The following CSMD1 variants were observed in gnomAD, a reference collection of about 807,000 sequenced individuals.
CSMD1 encodes CUB and sushi domain-containing protein 1.
Under a neutral mutation model 417.5 loss-of-function variants are expected in CSMD1, and 213 were observed. The observed-to-expected ratio is 0.51, with a 90% CI of 0.46 to 0.57. The LOEUF (loss-of-function observed/expected upper bound fraction) is 0.57. CSMD1 is among the 20% of genes least tolerant of loss of function. The pLI is 0.00. For synonymous variants in CSMD1, 2,862 were observed against 1,736.8 expected (o/e 1.65, Z -16.11); for missense variants, 6,923 against 4,529.7 (o/e 1.53, Z -15.17).
At chr8:4,119,637 G>T (rs763224418) in intron 3 of CSMD1, among the ~76,000 whole-genome samples, 2 of 152,102 alleles carry the variant, frequency 1.3e-5, no homozygotes, top group African/African-American at 4.8e-5. Flanking sequence ...TGCTCTGTGA[G>T]GAACAAGGAA....
chr8:4,644,687 G>T (rs964142604), intron 1 of CSMD1, among the ~76,000 whole-genome samples: 3 of 152,186 alleles, frequency 2.0e-5, no homozygotes, highest in Non-Finnish European at 4.4e-5. Flanking sequence ...GGAATTACAG[G>T]TGTGAGCCAC....
At chr8:4,855,238 G>C (rs1002306112) in intron 1 of CSMD1, among the ~76,000 whole-genome samples, 2 of 150,342 alleles carry the variant, frequency 1.3e-5, no homozygotes, top group Admixed American at 1.4e-4. Flanking sequence ...AAACAGAAAG[G>C]ATATCCACAT....
At chr8:3,602,732 C>G (rs998554370) in intron 8 of CSMD1, among the ~76,000 whole-genome samples, 2 of 152,100 alleles carry the variant, frequency 1.3e-5, no homozygotes, top group East Asian at 3.9e-4. Context: ...CACACACACA[C>G]ACACACACAC....
intron 41 of CSMD1, chr8:3,128,654 A>C (rs1382974746): frequency 3.1e-6 from 1 of 319,914 alleles, no homozygotes; most frequent in Admixed American, 4.3e-5. Flanking sequence ...AAACTATCTA[A>C]TTAAGTGTCA....
chr8:4,130,615 C>G (rs1585381250), intron 3 of CSMD1, among the ~76,000 whole-genome samples: 2 of 151,724 alleles, frequency 1.3e-5, no homozygotes, highest in African/African-American at 4.9e-5. Flanking sequence ...CTCTTGTCTT[C>G]TACCATTTAA....
At chr8:4,727,940 C>CAAAATATATATATGTATATATATAA (rs1350670176) in intron 1 of CSMD1, among the ~76,000 whole-genome samples, 1 of 126,744 alleles carries the variant, frequency 7.9e-6, no homozygotes, top group Admixed American at 9.7e-5. Context: ...TATATATATA[C>CAAAATATATATATGTATATATATAA]AAAATATATA....
At chr8:4,843,919 G>C (rs1231630114) in intron 1 of CSMD1, among the ~76,000 whole-genome samples, 1 of 152,178 alleles carries the variant, frequency 6.6e-6, no homozygotes, top group Admixed American at 6.5e-5. Context: ...GTGCACAGGA[G>C]TTAGTTCAGA....
At chr8:3,376,910 A>G (rs1182548356) in intron 18 of CSMD1, among the ~76,000 whole-genome samples, 1 of 152,212 alleles carries the variant, frequency 6.6e-6, no homozygotes, top group Non-Finnish European at 1.5e-5. Flanking sequence ...TTTGAAGGGT[A>G]ATGAGAACAA....
At chr8:4,898,468 G>A (rs9650522) in intron 1 of CSMD1, among the ~76,000 whole-genome samples, 23,973 of 151,452 alleles carry the variant, frequency 0.16, 2,438 homozygotes, top group East Asian at 0.5. Flanking sequence ...GTAAGTGAGA[G>A]CCGACCAAAA....
At chr8:2,944,892 G>T (rs1054432412) in intron 68 of CSMD1, among the ~76,000 whole-genome samples, 1 of 151,916 alleles carries the variant, frequency 6.6e-6, no homozygotes, top group South Asian at 2.1e-4. Context: ...ATCCATAATA[G>T]ATAACAAAAT....
chr8:4,531,075 C>G (rs1585210386), intron 2 of CSMD1, among the ~76,000 whole-genome samples: 1 of 152,080 alleles, frequency 6.6e-6, no homozygotes, highest in African/African-American at 2.4e-5. Context: ...TTTTTTGTTA[C>G]TATAAAACTG....
chr8:3,830,116 G>C (rs943930734), intron 5 of CSMD1, among the ~76,000 whole-genome samples: 1 of 152,138 alleles, frequency 6.6e-6, no homozygotes, highest in Non-Finnish European at 1.5e-5. Context: ...TAAAGTGAAG[G>C]AGAGTAATTT....
chr8:4,529,957 C>G (rs1199497148), intron 2 of CSMD1, among the ~76,000 whole-genome samples: 1 of 151,754 alleles, frequency 6.6e-6, no homozygotes, highest in African/African-American at 2.4e-5. Context: ...ATTTGTCACC[C>G]AGGCTGGAGT....
At chr8:3,881,158 T>C (rs113417901) in intron 5 of CSMD1, among the ~76,000 whole-genome samples, 15 of 152,264 alleles carry the variant, frequency 9.9e-5, no homozygotes, top group Middle Eastern at 3.4e-3. Flanking sequence ...GTTTGTACAT[T>C]AGAAGACACA....
intron 2 of CSMD1, among the ~76,000 whole-genome samples, chr8:4,636,452 C>G (rs765007351): frequency 6.6e-6 from 1 of 152,074 alleles, no homozygotes. Context: ...ATGCAATAGC[C>G]CTGAATGTTG....
At chr8:4,519,293 T>C (rs536677091) in intron 2 of CSMD1, among the ~76,000 whole-genome samples, 107 of 152,048 alleles carry the variant, frequency 7.0e-4, no homozygotes, top group Non-Finnish European at 1.3e-3. Context: ...ATCTTTTAAA[T>C]GGAAGAGTAC....
At chr8:4,818,850 T>C (rs1293852389) in intron 1 of CSMD1, among the ~76,000 whole-genome samples, 1 of 152,202 alleles carries the variant, frequency 6.6e-6, no homozygotes, top group Non-Finnish European at 1.5e-5. Context: ...TTTTTCCCAC[T>C]TCACAGATAA....
chr8:3,247,575 GC>G (rs2117011362), intron 26 of CSMD1, among the ~76,000 whole-genome samples: 1 of 152,264 alleles, frequency 6.6e-6, no homozygotes, highest in East Asian at 1.9e-4. Flanking sequence ...GCAGAGGATG[GC>G]CCAGGACATT....
At chr8:4,138,451 G>C (rs1052511550) in intron 3 of CSMD1, among the ~76,000 whole-genome samples, 1 of 151,980 alleles carries the variant, frequency 6.6e-6, no homozygotes, top group African/African-American at 2.4e-5. Flanking sequence ...AAAAAACACA[G>C]AACGCAGGAG....
Sources: allele counts gnomAD v4.1 joint callset (sites outside exome capture counted in the v4.1 genomes callset), GRCh38; gene constraint gnomAD v4.1.1; transcripts MANE v1.5; gene names NCBI Gene and HGNC (gene_info 2026-07-23, HGNC 2026-07-21).